Variants in LPA observed in about 807,000 individuals in gnomAD.
LPA encodes lipoprotein(a).
Under a neutral mutation model 197.9 loss-of-function variants are expected in LPA, and 199 were observed. The observed-to-expected ratio is 1.01, with a 90% CI of 0.90 to 1.13. LPA has a LOEUF of 1.13. Ranked by LOEUF, LPA falls within the 50% of genes most tolerant of loss-of-function variation. The pLI is 0.00. For missense variants in LPA, 1,853 were observed against 1,785.8 expected (o/e 1.04, Z -0.68); for synonymous variants, 715 against 639.5 (o/e 1.12, Z -1.78).
Position 160,601,099 on chromosome 6 carries a change from C to G in LPA, c.2946-1G>C. On this transcript the variant is annotated splice_acceptor_variant, in intron 18 of 38. Coordinates refer to ENST00000316300, the MANE Select transcript of LPA (RefSeq NM_005577.4). LOFTEE classifies it high-confidence loss of function. ...TCGGCAGTAGTTCTTGATCAAGCCACTGGAAATTCCAAAAGAATACACATC... is the reference window on the plus strand; with the variant it reads ...TCGGCAGTAGTTCTTGATCAAGCCAGTGGAAATTCCAAAAGAATACACATC... 6.2e-7 allele frequency: 1 copy of G among 1,614,030 alleles called. No individual in the cohort carries two copies. The highest frequency in any genetic ancestry group is 8.5e-7 in the Non-Finnish European group (1 of 1,179,958).
chr6:160,587,378 C>T (rs1214697920), intron 24 of LPA, among the ~76,000 whole-genome samples: 1 of 152,164 alleles, frequency 6.6e-6, no homozygotes, highest in African/African-American at 2.4e-5. Context: ...CATCCTCTTT[C>T]CTTGTGCCTT....
chr6:160,650,468 C>T lies in LPA; in HGVS notation c.79G>A (p.Asp27Asn). The part of the protein sequence containing the change: ...AAPEQSHVVQ[D>N]CYHGDGQSYR... ...CTCTGTCCATCACCATGGTAGCAAT[C>T]CTGGACCACATGGCTTTGCTCAGGT... Residue 27 changes from aspartate to asparagine, a missense_variant, in exon 2 of 39, where the codon GAT (aspartate) becomes AAT (asparagine). Asp to Asn is a conservative substitution (Grantham distance 23, BLOSUM62 1). Around this residue, in one of 3 missense-constraint regions of LPA, gnomAD observed 88 missense variants for 83.0 expected, o/e 1.06. Coordinates refer to ENST00000316300, the MANE Select transcript of LPA (RefSeq NM_005577.4). 2 of 1,613,724 alleles carry T rather than the reference C, an allele frequency of 1.2e-6. No individual in the cohort carries two copies. Among genetic ancestry groups the T allele is most frequent in the Non-Finnish European group, 1.7e-6 (2 of 1,179,774 alleles).
intron 32 of LPA, among the ~76,000 whole-genome samples, chr6:160,546,118 G>A (rs1165140458): frequency 1.3e-5 from 2 of 152,156 alleles, no homozygotes; most frequent in Admixed American, 6.5e-5. Flanking sequence ...AACTCTTGGT[G>A]GGTTCCTGGA....
chr6:160,661,533 G>A (rs977130514), intron 1 of LPA, among the ~76,000 whole-genome samples: 2 of 152,198 alleles, frequency 1.3e-5, no homozygotes, highest in African/African-American at 2.4e-5. Flanking sequence ...GGCAGGGCAA[G>A]GAGGAGGATG....
chr6:160,552,668 A>G (rs1489250326), intron 30 of LPA, among the ~76,000 whole-genome samples: 1 of 152,196 alleles, frequency 6.6e-6, no homozygotes, highest in Non-Finnish European at 1.5e-5. Context: ...CAGCTTATTT[A>G]TGATTCAGGT....
rs1389504771 is a variant in LPA at position 160,591,118 on chromosome 6, A to T, written c.3630-17T>A. On this transcript the variant is annotated splice_polypyrimidine_tract_variant and intron_variant, in intron 22 of 38. Coordinates refer to ENST00000316300, the MANE Select transcript of LPA (RefSeq NM_005577.4). ...GTCAGGCCACTGCAAATTACAAAAC[A>T]ATACAGTTCACCAGAGATGGGAGAA... 1.2e-6 allele frequency: 2 copies of T among 1,612,968 alleles called. No homozygotes were observed. The highest frequency in any genetic ancestry group is 4.5e-5 in the East Asian group (2 of 44,770).
rs549845967 is a variant in LPA, at chr6:160,556,072, G to A, written c.4926C>T (p.Ser1642=). The A allele has an allele frequency of 1.1e-5, 17 of 1,613,274 alleles. No homozygotes were observed. The East Asian group carries it at 3.8e-4, about 36-fold the overall frequency. The part of the protein sequence containing the change: ...VTGRTCQSWS[S]MTPHRHQRTP... ...TCCTCTGATGCCGGTGTGGTGTCAT[G>A]GATGACCAAGATTGACATGTCCTTC... The change falls in exon 30 of 39, where the codon TCC becomes TCT. Residue 1642 remains serine (S), a synonymous_variant. Coordinates refer to ENST00000316300, the MANE Select transcript of LPA (RefSeq NM_005577.4).
Position 160,537,896 on chromosome 6 carries a change from G to A in LPA, c.5801C>T (p.Ala1934Val), listed in dbSNP as rs553481085. The A allele has an allele frequency of 6.2e-7, 1 of 1,614,238 alleles. No homozygotes were observed. Among genetic ancestry groups the A allele is most frequent in the East Asian group, 2.2e-5 (1 of 44,888 alleles). ...CLPSPDYMVTARTECYITGWG... is the reference protein window; with the variant it reads ...CLPSPDYMVTVRTECYITGWG... ...GCCAGTGATGTAACATTCAGTCCTGGCGGTGACCATGTAGTCTGGGGATGG... is the reference window on the plus strand; with the variant it reads ...GCCAGTGATGTAACATTCAGTCCTGACGGTGACCATGTAGTCTGGGGATGG... Residue 1934 changes from alanine to valine, a missense_variant, in exon 37 of 39, where the codon GCC becomes GTC. Ala to Val is a moderately conservative substitution (Grantham distance 64). Around this residue, in one of 3 missense-constraint regions of LPA, gnomAD observed 1,737 missense variants for 1,504.4 expected, o/e 1.15. Transcript: ENST00000316300.
At chr6:160,553,951 G>GTA (rs1778209569) in intron 30 of LPA, among the ~76,000 whole-genome samples, 1 of 122,188 alleles carries the variant, frequency 8.2e-6, no homozygotes, top group Admixed American at 7.6e-5. Flanking sequence ...GTGTGTGTGT[G>GTA]TGTGCGCGCG....
intron 14 of LPA, among the ~76,000 whole-genome samples, chr6:160,615,325 G>T (rs1235307307): frequency 9.1e-6 from 1 of 109,806 alleles, no homozygotes; most frequent in South Asian, 3.8e-4. Flanking sequence ...GTTTCTGCGT[G>T]TGTGTGAGTA....
At chr6:160,581,450 G>A (rs933692505) in intron 26 of LPA, among the ~76,000 whole-genome samples, 4 of 151,950 alleles carry the variant, frequency 2.6e-5, no homozygotes, top group African/African-American at 4.8e-5. Flanking sequence ...CAGGCACATG[G>A]CACCAAACCT....
chr6:160,534,762 G>C (rs1466785458), intron 37 of LPA, among the ~76,000 whole-genome samples: 1 of 152,198 alleles, frequency 6.6e-6, no homozygotes, highest in Non-Finnish European at 1.5e-5. Flanking sequence ...GGTGAGACCA[G>C]AGGAGACTGG....
chr6:160,607,982 G>A (rs1779394706), intron 16 of LPA, among the ~76,000 whole-genome samples: 1 of 152,010 alleles, frequency 6.6e-6, no homozygotes, highest in South Asian at 2.1e-4. Flanking sequence ...ACTTACAATG[G>A]TACACTTCTA....
At chr6:160,549,466 C>T (rs745570147) in intron 30 of LPA, among the ~76,000 whole-genome samples, 1 of 152,160 alleles carries the variant, frequency 6.6e-6, no homozygotes, top group African/African-American at 2.4e-5. Context: ...TCTCTTTCTA[C>T]AGGACTGTAT....
chr6:160,539,969 C>T lies in LPA; in HGVS notation c.5735+74G>A, dbSNP rs531211071. ...TTCCTCCCCACTGCCATGCAGTGGCCATGGCCCATAAAACCCAGACATAAA... is the reference window on the plus strand; with the variant it reads ...TTCCTCCCCACTGCCATGCAGTGGCTATGGCCCATAAAACCCAGACATAAA... On this transcript the variant is annotated intron_variant, in intron 36 of 38. Coordinates refer to ENST00000316300, the MANE Select transcript of LPA (RefSeq NM_005577.4). 2.9e-5 allele frequency: 46 copies of T among 1,607,388 alleles called. No individual in the cohort carries two copies. In the Middle Eastern group the frequency reaches 5.0e-4, roughly 17 times the overall value.
At chr6:160,591,917 G>A (rs1451604922) in intron 22 of LPA, among the ~76,000 whole-genome samples, 1 of 152,138 alleles carries the variant, frequency 6.6e-6, no homozygotes, top group African/African-American at 2.4e-5. Context: ...CTGTCAAAAT[G>A]TTTGTTCATA....
chr6:160,534,910 A>G (rs74511593), intron 37 of LPA, among the ~76,000 whole-genome samples: 1 of 151,132 alleles, frequency 6.6e-6, no homozygotes. Context: ...TGATGATTAA[A>G]CCAATGGTGA....
intron 19 of LPA, 71 bp from the exon 20 acceptor site, chr6:160,599,730 C>T: frequency 1.3e-6 from 2 of 1,548,744 alleles, no homozygotes; most frequent in Admixed American, 1.7e-5. Flanking sequence ...CCATTTATGA[C>T]ATAAACCAAA....
chr6:160,607,870 A>T (rs1779392405), intron 16 of LPA, among the ~76,000 whole-genome samples: 1 of 152,148 alleles, frequency 6.6e-6, no homozygotes, highest in Admixed American at 6.5e-5. Context: ...AATATACCTC[A>T]GAGTTCAAAA....
Sources: allele counts gnomAD v4.1 joint callset (sites outside exome capture counted in the v4.1 genomes callset), GRCh38; gene constraint gnomAD v4.1.1; regional missense constraint gnomAD v4.1.1; transcripts MANE v1.5; gene names NCBI Gene and HGNC (gene_info 2026-07-23, HGNC 2026-07-21).